Variants in CRTAM observed in about 807,000 individuals in gnomAD.
The protein encoded by CRTAM is cytotoxic and regulatory T cell molecule, also known as cytotoxic and regulatory T-cell molecule.
A neutral mutation model predicts 50.0 loss-of-function variants in CRTAM; 44 were observed. The ratio of observed to expected loss-of-function variants is 0.88; its 90% CI spans 0.69 to 1.13. The LOEUF (loss-of-function observed/expected upper bound fraction) is 1.13, where lower values mean the gene tolerates loss of function less well. Among genes scored for constraint, CRTAM ranks in the 50% most tolerant of loss-of-function variants. The probability of loss-of-function intolerance (pLI) is 0.00; values close to 1 mark genes in which losing one functional copy is unlikely to be tolerated. For synonymous variants in CRTAM, 159 were observed against 169.3 expected (o/e 0.94, Z 0.47); for missense variants, 448 against 457.5 (o/e 0.98, Z 0.19).
Position 122,838,555 on chromosome 11 carries a change from G to A in CRTAM, c.9G>A (p.Trp3Ter), listed in dbSNP as rs759312696. The part of the protein sequence containing the change: MW[W>*]RVLSLLAWFP... Reference sequence around the variant, plus strand: ...CAGCAGCACAGCACAGTATGTGGTGGAGAGTTCTCAGCTTGCTGGCATGGT... The same window carrying A: ...CAGCAGCACAGCACAGTATGTGGTGAAGAGTTCTCAGCTTGCTGGCATGGT... The change falls in exon 1 of 10, where the codon TGG becomes TGA. Residue 3 changes from tryptophan to a stop codon, truncating the protein, a stop_gained. Coordinates refer to ENST00000227348, the MANE Select transcript of CRTAM (RefSeq NM_019604.4). LOFTEE classifies it high-confidence loss of function. The A allele has an allele frequency of 2.5e-6, 4 of 1,614,212 alleles. No homozygotes were observed. In the South Asian group the frequency reaches 3.3e-5, roughly 13 times the overall value.
chr11:122,844,944 G>C (rs1019059932), intron 1 of CRTAM, among the ~76,000 whole-genome samples: 11 of 152,158 alleles, frequency 7.2e-5, no homozygotes, highest in African/African-American at 2.7e-4. Flanking sequence ...TAACACATTT[G>C]GGGGAAGAGA....
rs2135260066 is a variant in CRTAM at position 122,871,318 on chromosome 11, A to G, written c.1101A>G (p.Glu367=). The G allele has an allele frequency of 2.5e-6, 4 of 1,613,920 alleles. No homozygotes were observed. The highest frequency in any genetic ancestry group is 3.3e-4 in the Middle Eastern group (2 of 6,048). ...CMNYITKLYS[E]AKTKRKENVQ... ...ACTACATCACAAAGTTGTACTCAGA[A>G]GCAAAAACAAAGAGGAAGGAAAATG... is the stretch of plus-strand genomic sequence containing the variant. Residue 367 remains glutamate, a synonymous_variant, in exon 10 of 10, where the codon GAA becomes GAG. Transcript: ENST00000227348.
At chr11:122,870,282 T>C (rs1862236977) in intron 9 of CRTAM, among the ~76,000 whole-genome samples, 1 of 152,114 alleles carries the variant, frequency 6.6e-6, no homozygotes. Context: ...GGTTTCACCA[T>C]GTTGCCCAGG....
chr11:122,868,736 C>T (rs1416597971), intron 9 of CRTAM, among the ~76,000 whole-genome samples: 5 of 152,168 alleles, frequency 3.3e-5, no homozygotes, highest in Admixed American at 1.3e-4. Flanking sequence ...AGGCTGGGTA[C>T]GGTGGCTCAC....
rs184050515 is a variant in CRTAM, at chr11:122,858,833, C to T, written c.652+2977C>T. On this transcript the variant is annotated intron_variant, in intron 5 of 9. Transcript: ENST00000227348. ...GTGAGCTACTGCACCTGGTTTATTT[C>T]ATCTTTTTAGTATTTAAAATGCGGA... 8.5e-5 allele frequency among the ~76,000 whole-genome samples: 13 copies of T among 152,240 alleles called. 1 individual carries two copies. The East Asian group carries it at 2.5e-3, about 29-fold the overall frequency.
chr11:122,850,656 C>T (rs1366755521), intron 2 of CRTAM, among the ~76,000 whole-genome samples: 1 of 152,196 alleles, frequency 6.6e-6, no homozygotes, highest in East Asian at 1.9e-4. Flanking sequence ...AAGCTCCTTT[C>T]CAGATAGCTC....
intron 1 of CRTAM, among the ~76,000 whole-genome samples, chr11:122,844,440 G>A (rs1173349476): frequency 1.3e-5 from 2 of 152,176 alleles, no homozygotes; most frequent in East Asian, 3.9e-4. Context: ...AGTCCTCAAG[G>A]ATGAAATTAG....
intron 9 of CRTAM, among the ~76,000 whole-genome samples, chr11:122,869,129 T>G (rs1862221302): frequency 6.6e-6 from 1 of 152,152 alleles, no homozygotes; most frequent in African/African-American, 2.4e-5. Context: ...CAAAAATAAA[T>G]AGTAGCAGTT....
At chr11:122,845,096 T>A (rs1042855769) in intron 1 of CRTAM, among the ~76,000 whole-genome samples, 3 of 151,998 alleles carry the variant, frequency 2.0e-5, no homozygotes, top group African/African-American at 7.3e-5. Context: ...AAGGGCAGAT[T>A]GATGAGAAGA....
chr11:122,864,166 C>T lies in CRTAM; in HGVS notation c.734-470C>T, dbSNP rs79531172. Among the ~76,000 whole-genome samples the T allele has an allele frequency of 3.7e-3, 558 of 152,232 alleles. 2 individuals are homozygous for T. Among genetic ancestry groups the T allele is most frequent in the African/African-American group, 0.012 (498 of 41,534 alleles). Reference sequence around the variant, plus strand: ...AATTAAAGCTTGGAATGCCGTTCCTCGGTGTTCAGTTGTTATCTTGAAGCA... The same window carrying T: ...AATTAAAGCTTGGAATGCCGTTCCTTGGTGTTCAGTTGTTATCTTGAAGCA... On this transcript the variant is annotated intron_variant, in intron 6 of 9. Transcript: ENST00000227348.
Position 122,850,232 on chromosome 11 carries a change from A to G in CRTAM, c.193+18A>G. ...GTATCCTGGTAAGTGAAAGAAAGAA[A>G]GAAAAAATGCCACCAGACCTTAACC... On this transcript the variant is annotated intron_variant, in intron 2 of 9. Transcript: ENST00000227348. 6.3e-7 allele frequency: 1 copy of G among 1,581,530 alleles called. No individual in the cohort carries two copies. The highest frequency in any genetic ancestry group is 8.6e-7 in the Non-Finnish European group (1 of 1,158,434).
chr11:122,857,748 T>C (rs1276131403), intron 5 of CRTAM, among the ~76,000 whole-genome samples: 1 of 152,172 alleles, frequency 6.6e-6, no homozygotes, highest in Non-Finnish European at 1.5e-5. Flanking sequence ...ATTCCTGTGC[T>C]CTGCATGGAA....
At chr11:122,858,864 G>C (rs1316346771) in intron 5 of CRTAM, among the ~76,000 whole-genome samples, 1 of 151,894 alleles carries the variant, frequency 6.6e-6, no homozygotes, top group Non-Finnish European at 1.5e-5. Flanking sequence ...GCGGAATCTT[G>C]GTTTTCTATT....
At chr11:122,845,118 G>C (rs146025314) in intron 1 of CRTAM, among the ~76,000 whole-genome samples, 8 of 152,296 alleles carry the variant, frequency 5.3e-5, no homozygotes, top group African/African-American at 1.9e-4. Context: ...CCCGGAAATA[G>C]AGCTGAGGAG....
intron 9 of CRTAM, 25 bp from the exon 10 acceptor site, chr11:122,871,244 C>T (rs1463063788): frequency 1.3e-6 from 2 of 1,588,060 alleles, no homozygotes; most frequent in South Asian, 2.3e-5. Context: ...AATAAATATT[C>T]ATCTTCAACA....
At chr11:122,854,252 C>T (rs1212676864) in intron 4 of CRTAM, among the ~76,000 whole-genome samples, 166 bp downstream of exon 4, 1 of 152,158 alleles carries the variant, frequency 6.6e-6, no homozygotes, top group African/African-American at 2.4e-5. Flanking sequence ...AATTTTATGC[C>T]TTAATCTTGA....
intron 1 of CRTAM, among the ~76,000 whole-genome samples, chr11:122,849,771 C>G (rs1311643091): frequency 6.6e-6 from 1 of 152,028 alleles, no homozygotes; most frequent in Non-Finnish European, 1.5e-5. Context: ...GGTACAGTTC[C>G]TGGCATATGG....
At chr11:122,850,664 C>T (rs1272837564) in intron 2 of CRTAM, among the ~76,000 whole-genome samples, 1 of 152,170 alleles carries the variant, frequency 6.6e-6, no homozygotes, top group Non-Finnish European at 1.5e-5. Context: ...TTCCAGATAG[C>T]TCTTCTTCTC....
intron 6 of CRTAM, among the ~76,000 whole-genome samples, chr11:122,863,809 G>A (rs931338733): frequency 3.3e-5 from 5 of 151,616 alleles, no homozygotes; most frequent in African/African-American, 4.9e-5. Flanking sequence ...TTTAAAATAG[G>A]GTTTCTAAAA....
Sources: allele counts gnomAD v4.1 joint callset (sites outside exome capture counted in the v4.1 genomes callset), GRCh38; gene constraint gnomAD v4.1.1; transcripts MANE v1.5; gene names NCBI Gene and HGNC (gene_info 2026-07-23, HGNC 2026-07-21).